The following RMDN2 variants were observed in gnomAD, a reference collection of about 807,000 sequenced individuals.
RMDN2 encodes the protein regulator of microtubule dynamics protein 2.
Under a neutral mutation model 52.8 loss-of-function variants are expected in RMDN2, and 61 were observed. That is an observed-to-expected ratio of 1.16 (90% CI 0.94 to 1.43). The LOEUF is 1.43. Ranked by LOEUF, RMDN2 falls within the 40% of genes most tolerant of loss-of-function variation. RMDN2 has a pLI of 0.00. For missense variants in RMDN2, 592 were observed against 475.3 expected, an observed-to-expected ratio of 1.25 and a Z score of -2.28; for synonymous variants, 180 against 153.1, an observed-to-expected ratio of 1.18 and a Z score of -1.30.
At chr2:37,961,739 A>T (rs1031200754) in intron 2 of RMDN2, among the ~76,000 whole-genome samples, 9 of 152,014 alleles carry the variant, frequency 5.9e-5, no homozygotes, top group Admixed American at 5.9e-4. Flanking sequence ...CTTGCTGGCA[A>T]GGAGTTGTGA....
At chr2:37,959,864 G>C (rs565780849) in intron 2 of RMDN2, among the ~76,000 whole-genome samples, 1 of 150,796 alleles carries the variant, frequency 6.6e-6, no homozygotes, top group Non-Finnish European at 1.5e-5. Flanking sequence ...AGTTCTCATT[G>C]GTTTCAAGGA....
intron 10 of RMDN2, among the ~76,000 whole-genome samples, chr2:38,051,217 G>C (rs1681577228): frequency 6.6e-6 from 1 of 151,944 alleles, no homozygotes; most frequent in Admixed American, 6.6e-5. Context: ...CCTTTCTTCG[G>C]AGTCATGCAA....
chr2:38,066,889 A>G (rs1682306490), intron 10 of RMDN2: 3 of 1,184,950 alleles, frequency 2.5e-6, no homozygotes, highest in Non-Finnish European at 3.8e-6. Flanking sequence ...CTCCATAGCC[A>G]TACCTTCTGG....
intron 8 of RMDN2, among the ~76,000 whole-genome samples, chr2:37,999,629 A>C (rs540455338): frequency 1.3e-5 from 2 of 152,210 alleles, no homozygotes; most frequent in Admixed American, 1.3e-4. Context: ...GGAACTAAGA[A>C]ATCTGGGAAG....
At chr2:38,003,346 A>G (rs549198292) in intron 8 of RMDN2, among the ~76,000 whole-genome samples, 1 of 152,182 alleles carries the variant, frequency 6.6e-6, no homozygotes, top group East Asian at 1.9e-4. Flanking sequence ...TGAGGTCAGG[A>G]GTTTGAGACA....
chr2:38,063,358 C>G (rs558327758), intron 10 of RMDN2, among the ~76,000 whole-genome samples: 47 of 152,264 alleles, frequency 3.1e-4, no homozygotes, highest in African/African-American at 1.1e-3. Flanking sequence ...TTGCATTTCT[C>G]TGATGGCCAG....
At chr2:38,050,986 C>G (rs1423570952) in intron 10 of RMDN2, among the ~76,000 whole-genome samples, 1 of 152,146 alleles carries the variant, frequency 6.6e-6, no homozygotes, top group Non-Finnish European at 1.5e-5. Flanking sequence ...TGGTCTCAAA[C>G]TCCCAACCTC....
At chr2:37,955,218 C>A (rs563361865) in intron 2 of RMDN2, among the ~76,000 whole-genome samples, 1 of 152,180 alleles carries the variant, frequency 6.6e-6, no homozygotes, top group South Asian at 2.1e-4. Context: ...CTGGCTAGGA[C>A]TTTTAGTACT....
At chr2:38,026,020 A>T (rs1296680157) in intron 10 of RMDN2, among the ~76,000 whole-genome samples, 1 of 152,038 alleles carries the variant, frequency 6.6e-6, no homozygotes, top group East Asian at 1.9e-4. Context: ...TGTAGAATTG[A>T]TATCGTTTCT....
At chr2:37,959,486 A>ATTTTGTATTTGTATT (rs1157931591) in intron 2 of RMDN2, among the ~76,000 whole-genome samples, 1 of 150,812 alleles carries the variant, frequency 6.6e-6, no homozygotes, top group African/African-American at 2.5e-5. Flanking sequence ...TTTCTCTGGG[A>ATTTTGTATTTGTATT]TCAGTGGTAA....
intron 10 of RMDN2, among the ~76,000 whole-genome samples, chr2:38,063,494 A>G (rs1682139680): frequency 6.6e-6 from 1 of 152,224 alleles, no homozygotes; most frequent in South Asian, 2.1e-4. Context: ...AGGCATGGGC[A>G]AGGACTTCAT....
chr2:37,935,211 A>G (rs1667183944), intron 2 of RMDN2, among the ~76,000 whole-genome samples: 1 of 152,246 alleles, frequency 6.6e-6, no homozygotes, highest in South Asian at 2.1e-4. Flanking sequence ...CATAGTATAT[A>G]TTGCCTTAGA....
chr2:37,925,704 G>C (rs1380057220), intron 1 of RMDN2, among the ~76,000 whole-genome samples: 1 of 152,238 alleles, frequency 6.6e-6, no homozygotes, highest in Admixed American at 6.5e-5. Flanking sequence ...GGACCCTTCT[G>C]GGGTGCGTGG....
intron 10 of RMDN2, chr2:38,032,931 CA>C (rs1407762527): frequency 6.6e-6 from 1 of 152,082 alleles, no homozygotes; most frequent in Non-Finnish European, 1.5e-5. Context: ...ATAAAAACCC[CA>C]AAGTGGCATT....
Position 37,997,764 on chromosome 2 carries a change from A to C in RMDN2, c.1044+250A>C, listed in dbSNP as rs1358982287. The stretch of plus-strand genomic sequence containing the variant: ...CTTTTTAAAAATAACCCAGCAGCCT[A>C]AATGAAGGTTTAGGTTTGACAGCTC... On this transcript the variant is annotated intron_variant, in intron 8 of 10. Coordinates refer to ENST00000354545, the MANE Select transcript of RMDN2 (RefSeq NM_001170791.3). The C allele has an allele frequency of 1.4e-4, 58 of 413,252 alleles. No individual in the cohort carries two copies. The East Asian group carries it at 2.2e-3, about 16-fold the overall frequency. The allele number at this position is 413,252 out of a possible 1,614,324, so 25.6% of individuals were successfully genotyped here.
chr2:37,990,980 A>T (rs1356563119), intron 6 of RMDN2, among the ~76,000 whole-genome samples: 1 of 152,196 alleles, frequency 6.6e-6, no homozygotes, highest in African/African-American at 2.4e-5. Flanking sequence ...TTTTTATAAC[A>T]GTATTTTGGC....
intron 2 of RMDN2, among the ~76,000 whole-genome samples, chr2:37,947,872 G>T (rs1406098218): frequency 2.6e-5 from 4 of 152,162 alleles, no homozygotes; most frequent in African/African-American, 9.7e-5. Context: ...CCCAGTCAGG[G>T]TTCTCCCCTT....
At chr2:37,983,082 CCTTCT>C (rs1211513357) in intron 5 of RMDN2, among the ~76,000 whole-genome samples, 5 of 152,104 alleles carry the variant, frequency 3.3e-5, no homozygotes, top group Non-Finnish European at 7.4e-5. Context: ...CCCTCCTCTT[CCTTCT>C]CTTCTTTCTC....
In RMDN2 at chr2:37,957,859, C is replaced by T. The variant is rs1166909446; in HGVS notation, c.453-16181C>T. Among the ~76,000 whole-genome samples the T allele has an allele frequency of 2.0e-5, 3 of 152,280 alleles. No homozygotes were observed. In the East Asian group the frequency reaches 5.8e-4, roughly 29 times the overall value. ...GAAGGGGTCCAGTTTCAGTTTTCTGCATATGGCTAGCCAGTTTTCCCAATA... is the reference window on the plus strand; with the variant it reads ...GAAGGGGTCCAGTTTCAGTTTTCTGTATATGGCTAGCCAGTTTTCCCAATA... On this transcript the variant is annotated intron_variant, in intron 2 of 10. Transcript: ENST00000354545.
Sources: allele counts gnomAD v4.1 joint callset (sites outside exome capture counted in the v4.1 genomes callset), GRCh38; gene constraint gnomAD v4.1.1; transcripts MANE v1.5; gene names NCBI Gene and HGNC (gene_info 2026-07-23, HGNC 2026-07-21).